The following ANAPC7 variants were observed in gnomAD, a reference collection of about 807,000 sequenced individuals.
The protein encoded by ANAPC7 is anaphase promoting complex subunit 7.
Under a neutral mutation model 63.3 loss-of-function variants are expected in ANAPC7, and 25 were observed. The observed-to-expected ratio is 0.39, with a 90% CI of 0.29 to 0.55. The LOEUF (loss-of-function observed/expected upper bound fraction) is 0.55, where lower values mean the gene tolerates loss of function less well. Among genes scored for constraint, ANAPC7 ranks in the 20% least tolerant of loss-of-function variants. The pLI, the probability that ANAPC7 is intolerant of heterozygous loss-of-function variation, is 0.57. For missense variants in ANAPC7, 516 were observed against 691.7 expected, an observed-to-expected ratio of 0.75 and a Z score of 2.85; for synonymous variants, 241 against 251.7, an observed-to-expected ratio of 0.96 and a Z score of 0.40.
At chr12:110,387,355 GAGAGAGAGAGACAGAGAGAGAGAGAGAC>G (rs1882663542) in intron 5 of ANAPC7, 2 of 114,676 alleles carry the variant, frequency 1.7e-5, no homozygotes, top group African/African-American at 4.4e-5. Flanking sequence ...GAGAGAGACA[GAGAGAGAGAGACAGAGAGAGAGAGAGAC>G]AGAGAGAGAG....
At chr12:110,390,771 T>C (rs1176907867) in intron 3 of ANAPC7, among the ~76,000 whole-genome samples, 3 of 152,210 alleles carry the variant, frequency 2.0e-5, no homozygotes, top group Non-Finnish European at 4.4e-5. Context: ...TAAGATCCTT[T>C]CTTGACTGCT....
At chr12:110,382,462 ATATATATATAT>A (rs1483201057) in intron 7 of ANAPC7, among the ~76,000 whole-genome samples, 14 of 53,410 alleles carry the variant, frequency 2.6e-4, no homozygotes, top group African/African-American at 4.6e-4. Context: ...AAAAAAAAAA[ATATATATATAT>A]ATATATATAT....
intron 1 of ANAPC7, 27 bp from the exon 2 acceptor site, chr12:110,396,479 A>G (rs2062137648): frequency 6.5e-7 from 1 of 1,543,486 alleles, no homozygotes; most frequent in African/African-American, 1.4e-5. Flanking sequence ...AATGTAATAC[A>G]TCTTTTCCTC....
At chr12:110,385,744 T>C (rs1882393063) in intron 6 of ANAPC7, among the ~76,000 whole-genome samples, 1 of 152,202 alleles carries the variant, frequency 6.6e-6, no homozygotes, top group Admixed American at 6.5e-5. Flanking sequence ...TGGCCTTTTT[T>C]GGACCTTTAC....
chr12:110,397,180 C>A (rs935750791), intron 1 of ANAPC7, among the ~76,000 whole-genome samples: 8 of 150,792 alleles, frequency 5.3e-5, no homozygotes, highest in African/African-American at 1.9e-4. Context: ...GCCTGGGCGA[C>A]AGAGCCAGAC....
intron 10 of ANAPC7, chr12:110,375,748 A>G: frequency 1.0e-6 from 1 of 996,916 alleles, no homozygotes; most frequent in Non-Finnish European, 1.2e-6. Flanking sequence ...AGAAGAATAT[A>G]AAATATATAC....
chr12:110,386,868 G>A, intron 5 of ANAPC7: 1 of 162,530 alleles, frequency 6.2e-6, no homozygotes, highest in Non-Finnish European at 1.3e-5. Flanking sequence ...AAGCAGGCAA[G>A]CTAGGTTAGA....
At chr12:110,387,627 C>T in intron 5 of ANAPC7, 112 bp downstream of exon 5, 1 of 1,285,814 alleles carries the variant, frequency 7.8e-7, no homozygotes, top group South Asian at 1.4e-5. Flanking sequence ...CAGAGACTGG[C>T]TGCAGCACCA....
chr12:110,391,987 G>C (rs1883127780), intron 3 of ANAPC7, among the ~76,000 whole-genome samples: 2 of 151,768 alleles, frequency 1.3e-5, no homozygotes, highest in Admixed American at 1.3e-4. Flanking sequence ...AGCTACTCGG[G>C]AGGCTGAGGT....
At chr12:110,379,539 A>C (rs1010281286) in intron 8 of ANAPC7, among the ~76,000 whole-genome samples, 2 of 152,232 alleles carry the variant, frequency 1.3e-5, no homozygotes, top group Admixed American at 6.5e-5. Context: ...GAAGACAGGG[A>C]AGTTACAGTT....
chr12:110,377,793 T>C, intron 8 of ANAPC7, 176 bp from the exon 9 acceptor site: 2 of 1,443,600 alleles, frequency 1.4e-6, no homozygotes, highest in Non-Finnish European at 1.8e-6. Flanking sequence ...TAAGAAGTGC[T>C]CTTCCCCAGA....
chr12:110,373,853 T>G lies in ANAPC7; in HGVS notation c.*291A>C, dbSNP rs1881019038. The G allele has an allele frequency of 3.2e-6, 1 of 313,534 alleles. No individual in the cohort carries two copies. Among genetic ancestry groups the G allele is most frequent in the Non-Finnish European group, 5.8e-6 (1 of 173,028 alleles). 19.4% of individuals were successfully genotyped at this position (313,534 alleles called of 1,614,324 possible). A position where few individuals can be genotyped will look rare whatever the true frequency, so the allele number is the denominator to read the frequency against. ...TTGAGCTTTTGGATTTAGAAATTAG[T>G]TATATAAAAAGTACTCTTGGCCCAG... On this transcript the variant is annotated 3_prime_UTR_variant, in exon 11 of 11. Transcript: ENST00000455511.
At chr12:110,376,000 G>T (rs924416463) in intron 10 of ANAPC7, 66 bp downstream of exon 10, 2 of 1,501,928 alleles carry the variant, frequency 1.3e-6, no homozygotes, top group Non-Finnish European at 1.8e-6. Context: ...CATAACTCCT[G>T]TGACACAGCT....
intron 2 of ANAPC7, 126 bp from the exon 3 acceptor site, chr12:110,395,346 G>A (rs927160044): frequency 5.1e-5 from 46 of 904,710 alleles, no homozygotes; most frequent in African/African-American, 6.8e-5. Flanking sequence ...ACAGGGTCTC[G>A]CTCTGTTGCC....
intron 10 of ANAPC7, chr12:110,375,425 C>T: frequency 1.0e-6 from 1 of 985,396 alleles, no homozygotes; most frequent in African/African-American, 1.7e-5. Context: ...CAGCCCTTCA[C>T]CATAACCTTA....
At chr12:110,398,261 CA>C (rs2062172606) in intron 1 of ANAPC7, among the ~76,000 whole-genome samples, 1 of 151,668 alleles carries the variant, frequency 6.6e-6, no homozygotes, top group African/African-American at 2.4e-5. Flanking sequence ...AAAGAAAACA[CA>C]AAAATTAGCC....
chr12:110,383,747 G>A (rs1339808107), intron 6 of ANAPC7, among the ~76,000 whole-genome samples: 1 of 151,366 alleles, frequency 6.6e-6, no homozygotes, highest in Non-Finnish European at 1.5e-5. Context: ...ATGGTGGCGT[G>A]TGCCTGTAAT....
chr12:110,373,901 C>T lies in ANAPC7; in HGVS notation c.*243G>A. 2.3e-6 allele frequency: 1 copy of T among 434,144 alleles called. No individual in the cohort carries two copies. The highest frequency in any genetic ancestry group is 3.5e-5 in the East Asian group (1 of 28,310). The allele number at this position is 434,144 out of a possible 1,614,324, so 26.9% of individuals were successfully genotyped here. ...CAGAAGCCCCAACATGTGCGTGGGT[C>T]TCGGGGCACTCCCTCAGTCCTCCCT... On this transcript the variant is annotated 3_prime_UTR_variant, in exon 11 of 11. Coordinates refer to ENST00000455511, the MANE Select transcript of ANAPC7 (RefSeq NM_016238.3).
At chr12:110,377,826 G>C (rs1881427963) in intron 8 of ANAPC7, 1 of 1,420,886 alleles carries the variant, frequency 7.0e-7, no homozygotes, top group African/African-American at 1.4e-5. Flanking sequence ...TGTAGAAAAA[G>C]ACTGCCTTCA....
Sources: gnomAD v4.1 joint callset for allele counts (sites outside exome capture counted in the v4.1 genomes callset) on GRCh38, gnomAD v4.1.1 for gene constraint, MANE v1.5 for transcripts, NCBI Gene and HGNC (gene_info 2026-07-23, HGNC 2026-07-21) for gene names.